FNIP2: variants seen among roughly 807,000 people sequenced by gnomAD.
FNIP2 encodes the protein folliculin interacting protein 2, also known as folliculin-interacting protein 2.
In FNIP2, 32 loss-of-function variants were observed where a neutral mutation model predicts 108.7. The observed-to-expected ratio is 0.29, with a 90% CI of 0.22 to 0.40. The LOEUF (loss-of-function observed/expected upper bound fraction) is 0.40. Among genes scored for constraint, FNIP2 ranks in the 10% least tolerant of loss-of-function variants. The pLI is 1.00. For missense variants in FNIP2, 1,202 were observed against 1,381.6 expected (o/e 0.87, Z 2.06); for synonymous variants, 480 against 496.7 (o/e 0.97, Z 0.45).
chr4:158,829,248 A>T (rs1778327666), intron 3 of FNIP2, 23 bp downstream of exon 3: 1 of 1,578,220 alleles, frequency 6.3e-7, no homozygotes, highest in African/African-American at 1.4e-5. Context: ...CTTCTGTGGG[A>T]ATAGCCCCTG....
Position 158,900,582 on chromosome 4 carries a change from A to G in FNIP2, c.3267-3884A>G, listed in dbSNP as rs190763650. Among the ~76,000 whole-genome samples, 376 of 152,248 alleles carry G rather than the reference A, an allele frequency of 2.5e-3. 2 individuals carry two copies. The highest frequency in any genetic ancestry group is 8.6e-3 in the African/African-American group (356 of 41,544). On this transcript the variant is annotated intron_variant, in intron 16 of 16. Transcript: ENST00000264433. Reference sequence around the variant, plus strand: ...TTCTGGTTGCATTGATCCCTTTACCATTATGTAATGCCCTTCTTTGTCTCT... The same window carrying G: ...TTCTGGTTGCATTGATCCCTTTACCGTTATGTAATGCCCTTCTTTGTCTCT...
At chr4:158,900,433 G>A (rs1181677973) in intron 16 of FNIP2, among the ~76,000 whole-genome samples, 1 of 152,138 alleles carries the variant, frequency 6.6e-6, no homozygotes, top group African/African-American at 2.4e-5. Context: ...ATTGACAGTG[G>A]GGTGTTAAAG....
intron 1 of FNIP2, among the ~76,000 whole-genome samples, chr4:158,802,819 ACTTGTGT>A (rs1776805994): frequency 6.6e-6 from 1 of 152,150 alleles, no homozygotes; most frequent in Admixed American, 6.5e-5. Flanking sequence ...AAGAGGTTGG[ACTTGTGT>A]CTTGAGTACC....
chr4:158,771,512 A>C (rs1271262512), intron 1 of FNIP2, among the ~76,000 whole-genome samples: 3 of 152,224 alleles, frequency 2.0e-5, no homozygotes, highest in African/African-American at 7.2e-5. Flanking sequence ...GAGGGGAACA[A>C]GGTGCCTTAT....
At chr4:158,797,697 TCAAAA>T (rs894850936) in intron 1 of FNIP2, among the ~76,000 whole-genome samples, 5 of 152,044 alleles carry the variant, frequency 3.3e-5, no homozygotes, top group South Asian at 2.1e-4. Context: ...AGACCCTGTC[TCAAAA>T]CAAAACAAAA....
At chr4:158,832,852 G>A (rs1015721976) in intron 5 of FNIP2, among the ~76,000 whole-genome samples, 3 of 152,168 alleles carry the variant, frequency 2.0e-5, no homozygotes, top group African/African-American at 7.2e-5. Flanking sequence ...CTTACGTGCA[G>A]ATTTAAGTAA....
At chr4:158,832,237 A>G (rs1778527282) in intron 5 of FNIP2, 99 bp downstream of exon 5, 10 of 911,610 alleles carry the variant, frequency 1.1e-5, no homozygotes, top group Non-Finnish European at 1.7e-5. Flanking sequence ...TGAAATGACA[A>G]GCAGAATGAG....
intron 14 of FNIP2, among the ~76,000 whole-genome samples, chr4:158,874,134 G>T (rs1781118658): frequency 2.0e-5 from 3 of 152,154 alleles, no homozygotes; most frequent in African/African-American, 7.2e-5. Flanking sequence ...AACTGGCATT[G>T]CTAAGCCCCA....
intron 12 of FNIP2, among the ~76,000 whole-genome samples, chr4:158,867,353 C>T (rs766679925): frequency 4.6e-5 from 7 of 152,042 alleles, no homozygotes; most frequent in Non-Finnish European, 1.0e-4. Flanking sequence ...CCAGCACGCT[C>T]GCCTAATTTT....
chr4:158,812,064 A>C (rs566394224), intron 1 of FNIP2, among the ~76,000 whole-genome samples: 1 of 152,220 alleles, frequency 6.6e-6, no homozygotes, highest in African/African-American at 2.4e-5. Context: ...GTGGAGGTGT[A>C]CTGGTGGATG....
At chr4:158,783,715 C>T (rs1389137414) in intron 1 of FNIP2, among the ~76,000 whole-genome samples, 1 of 152,116 alleles carries the variant, frequency 6.6e-6, no homozygotes, top group Non-Finnish European at 1.5e-5. Flanking sequence ...GGGACGAGGA[C>T]ATTTGAACTG....
intron 7 of FNIP2, among the ~76,000 whole-genome samples, chr4:158,848,424 A>G (rs893666478): frequency 1.3e-5 from 2 of 152,202 alleles, no homozygotes; most frequent in African/African-American, 4.8e-5. Flanking sequence ...GCTTGTTCAG[A>G]TACAGCTGCA....
At chr4:158,869,462 G>T (rs1222584237) in intron 13 of FNIP2, 34 bp downstream of exon 13, 1 of 1,537,208 alleles carries the variant, frequency 6.5e-7, no homozygotes, top group South Asian at 1.2e-5. Context: ...AGAGGGAACT[G>T]GGTTCAAATC....
At chr4:158,837,149 G>A (rs1410206864) in intron 7 of FNIP2, among the ~76,000 whole-genome samples, 2 of 152,170 alleles carry the variant, frequency 1.3e-5, no homozygotes, top group African/African-American at 4.8e-5. Context: ...GACTTTCCTG[G>A]CAAGAAGATG....
intron 1 of FNIP2, among the ~76,000 whole-genome samples, chr4:158,777,092 C>G (rs1184279081): frequency 7.9e-5 from 12 of 152,122 alleles, no homozygotes; most frequent in Admixed American, 7.9e-4. Context: ...TATCAGAGAT[C>G]CAGTTATGAA....
At chr4:158,887,324 G>C (rs1782068121) in intron 14 of FNIP2, among the ~76,000 whole-genome samples, 1 of 152,132 alleles carries the variant, frequency 6.6e-6, no homozygotes, top group Non-Finnish European at 1.5e-5. Flanking sequence ...AAACTTACTT[G>C]ACAGATTTCA....
chr4:158,895,996 A>C, intron 16 of FNIP2, 131 bp downstream of exon 16: 1 of 644,836 alleles, frequency 1.6e-6, no homozygotes, highest in Non-Finnish European at 2.8e-6. Flanking sequence ...GGAGTCCATC[A>C]GATACGTGCC....
intron 12 of FNIP2, among the ~76,000 whole-genome samples, chr4:158,862,477 T>C (rs1045296497): frequency 6.6e-6 from 1 of 152,172 alleles, no homozygotes; most frequent in Non-Finnish European, 1.5e-5. Context: ...AATTAAAGAA[T>C]TTGTGGATAT....
At chr4:158,830,668 G>A (rs1431987885) in intron 3 of FNIP2, among the ~76,000 whole-genome samples, 3 of 152,178 alleles carry the variant, frequency 2.0e-5, no homozygotes, top group East Asian at 3.8e-4. Flanking sequence ...TGTATTTGGA[G>A]TTTTAAAAAA....
Sources: gnomAD v4.1 joint callset for allele counts (sites outside exome capture counted in the v4.1 genomes callset) on GRCh38, gnomAD v4.1.1 for gene constraint, MANE v1.5 for transcripts, NCBI Gene and HGNC (gene_info 2026-07-23, HGNC 2026-07-21) for gene names.